NBPF20: variants seen among roughly 807,000 people sequenced by gnomAD.
NBPF20 encodes NBPF family member NBPF20.
In NBPF20, 90 loss-of-function variants were observed where a neutral mutation model predicts 68.1. The ratio of observed to expected loss-of-function variants is 1.32; its 90% CI spans 1.11 to 1.58. The LOEUF is 1.58. Ranked by LOEUF, NBPF20 falls within the 40% of genes most tolerant of loss-of-function variation. NBPF20 has a pLI of 0.00. For synonymous variants in NBPF20, 290 were observed against 228.1 expected (o/e 1.27, Z -2.45); for missense variants, 816 against 601.2 (o/e 1.36, Z -3.74).
the NBPF20 span, among the ~76,000 whole-genome samples, chr1:145,423,962 T>A: frequency 6.7e-6 from 1 of 150,162 alleles, no homozygotes; most frequent in Admixed American, 6.6e-5. Flanking sequence ...TTGGTAAAAA[T>A]TCATTACCTG....
intron 2 of NBPF20, among the ~76,000 whole-genome samples, chr1:145,404,463 T>A (rs1662675229): frequency 6.6e-6 from 1 of 152,126 alleles, no homozygotes; most frequent in Non-Finnish European, 1.5e-5. Context: ...TTCTCCATGT[T>A]GCCCAGGCTA....
At chr1:145,394,663 T>A (rs1662127025) in intron 8 of NBPF20, among the ~76,000 whole-genome samples, 1 of 152,024 alleles carries the variant, frequency 6.6e-6, no homozygotes, top group Non-Finnish European at 1.5e-5. Flanking sequence ...TGAGCTGAGC[T>A]GACAGACAAC....
the NBPF20 span, among the ~76,000 whole-genome samples, chr1:145,413,412 A>C: frequency 1.3e-5 from 2 of 151,786 alleles, no homozygotes; most frequent in East Asian, 3.9e-4. Context: ...GGAAACATTC[A>C]AATATCTATC....
intron 29 of NBPF20, 95 bp downstream of exon 34, chr1:145,377,948 T>G (rs1225563217): frequency 7.3e-6 from 3 of 409,846 alleles, no homozygotes; most frequent in East Asian, 5.3e-5. Context: ...CAACCTTCGT[T>G]GAAAACATGA....
chr1:145,292,797 CT>C (rs1553658500), intron 136 of NBPF20, among the ~76,000 whole-genome samples: 1 of 80,718 alleles, frequency 1.2e-5, no homozygotes, highest in African/African-American at 6.1e-5. Flanking sequence ...CAAATGATTT[CT>C]AGGAGAAAAA....
intron 137 of NBPF20, among the ~76,000 whole-genome samples, chr1:145,292,032 G>A (rs587653384): frequency 6.9e-4 from 103 of 149,746 alleles, no homozygotes; most frequent in Admixed American, 1.6e-3. Context: ...TGACATACTG[G>A]TAAGGGAGTC....
intron 3 of NBPF20, among the ~76,000 whole-genome samples, 172 bp from the exon 9 acceptor site, chr1:145,402,553 G>A (rs1662572590): frequency 6.6e-6 from 1 of 151,922 alleles, no homozygotes. Context: ...TGGTTTACAG[G>A]CTTCCTCTGT....
chr1:145,402,547 T>C (rs1329168326), intron 3 of NBPF20, among the ~76,000 whole-genome samples, 166 bp from the exon 9 acceptor site: 3 of 151,878 alleles, frequency 2.0e-5, no homozygotes, highest in Non-Finnish European at 2.9e-5. Context: ...AGAAAATGGT[T>C]TACAGGCTTC....
intron 43 of NBPF20, among the ~76,000 whole-genome samples, 191 bp from the exon 49 acceptor site, chr1:145,366,543 C>G (rs1428154545): frequency 2.7e-4 from 26 of 94,914 alleles, no homozygotes; most frequent in Admixed American, 8.1e-4. Flanking sequence ...AAGAGAAAGA[C>G]AGATAGACAC....
upstream of NBPF20, among the ~76,000 whole-genome samples, chr1:145,406,033 C>T (rs1222701237): frequency 4.0e-5 from 6 of 150,574 alleles, no homozygotes; most frequent in Admixed American, 3.3e-4. Context: ...ATTCTCCTGC[C>T]TCAGACTCCC....
the NBPF20 span, among the ~76,000 whole-genome samples, chr1:145,421,918 G>A: frequency 6.6e-6 from 1 of 151,976 alleles, no homozygotes; most frequent in South Asian, 2.1e-4. Context: ...CATGCCTGTA[G>A]ACCCAGCTAC....
At chr1:145,393,373 A>T (rs1366583980) in intron 9 of NBPF20, 127 bp from the exon 15 acceptor site, 4 of 712,420 alleles carry the variant, frequency 5.6e-6, no homozygotes, top group Non-Finnish European at 1.0e-5. Flanking sequence ...TAATGAGGTA[A>T]GAAATTATTG....
At chr1:145,402,613 C>T (rs1553665709) in intron 3 of NBPF20, among the ~76,000 whole-genome samples, 1 of 151,464 alleles carries the variant, frequency 6.6e-6, no homozygotes, top group Non-Finnish European at 1.5e-5. Flanking sequence ...TTCATCTTTC[C>T]CTTCTGTAAA....
At chr1:145,399,888 A>G (rs1662432770) in intron 6 of NBPF20, among the ~76,000 whole-genome samples, 2 of 150,804 alleles carry the variant, frequency 1.3e-5, no homozygotes, top group Admixed American at 1.3e-4. Flanking sequence ...GAAATATATC[A>G]GCAAAGTAAA....
Position 145,291,364 on chromosome 1 carries a change from G to C in NBPF20, c.*162C>G, listed in dbSNP as rs150887540. 10,890 of 1,505,008 alleles carry C rather than the reference G, an allele frequency of 7.2e-3. 60 individuals are homozygous for C. Among genetic ancestry groups the C allele is most frequent in the Non-Finnish European group, 9.0e-3 (9,979 of 1,112,936 alleles). The allele number at this position is 1,505,008 out of a possible 1,614,324, so 93.2% of individuals were successfully genotyped here. On this transcript the variant is annotated 3_prime_UTR_variant, in exon 138 of 138. Transcript: ENST00000369373. ...CGTGGGTCCATTGTCTTCAGACTGAGCACAGGTTGCCACTGGCATGGTTTG... is the reference window on the plus strand; with the variant it reads ...CGTGGGTCCATTGTCTTCAGACTGACCACAGGTTGCCACTGGCATGGTTTG...
exon 3 of NBPF20, chr1:145,403,236 G>C (rs543559): frequency 6.0e-5 from 97 of 1,612,328 alleles, no homozygotes; most frequent in African/African-American, 2.7e-4. Flanking sequence ...CAGCTTGCTT[G>C]AGCTGCTCTG....
rs1255264025 is a variant in NBPF20, at chr1:145,291,879, G to A, written c.16698-110C>T. 17 of 1,595,092 alleles carry A rather than the reference G, an allele frequency of 1.1e-5. No homozygotes were observed. The Admixed American group carries it at 2.3e-4, about 22-fold the overall frequency. On this transcript the variant is annotated intron_variant, in intron 137 of 137. Coordinates refer to ENST00000369373, the Ensembl canonical transcript of NBPF20. ...AAGTGGTTAGAAAAGAAAAAGGATA[G>A]ATCCATTAATGAGGTAAAAAAAAAA...
chr1:145,416,045 C>A, the NBPF20 span, among the ~76,000 whole-genome samples: 1 of 150,706 alleles, frequency 6.6e-6, no homozygotes, highest in Non-Finnish European at 1.5e-5. Context: ...GCAGGAGAAT[C>A]ACTTGAACTC....
intron 137 of NBPF20, among the ~76,000 whole-genome samples, 158 bp from the exon 143 acceptor site, chr1:145,291,927 A>G (rs1661134251): frequency 1.3e-5 from 2 of 151,908 alleles, no homozygotes; most frequent in African/African-American, 2.4e-5. Context: ...ATGTTGGGAT[A>G]GAACAGGGCC....
Sources: allele counts gnomAD v4.1 joint callset (sites outside exome capture counted in the v4.1 genomes callset), GRCh38; gene constraint gnomAD v4.1.1; transcripts MANE v1.5; gene names NCBI Gene and HGNC (gene_info 2026-07-23, HGNC 2026-07-21).